The following TACR1 variants were observed in gnomAD, a reference collection of about 807,000 sequenced individuals.
TACR1 encodes substance-P receptor.
TACR1 carries 25 observed loss-of-function variants against 35.8 expected under a neutral mutation model. That is an observed-to-expected ratio of 0.70 (90% CI 0.51 to 0.98). The LOEUF is 0.98. TACR1 is among the 50% of genes least tolerant of loss of function. The probability of loss-of-function intolerance (pLI) is 0.00; values close to 1 mark genes in which losing one functional copy is unlikely to be tolerated. For synonymous variants in TACR1, 195 were observed against 206.7 expected, an observed-to-expected ratio of 0.94 and a Z score of 0.48; for missense variants, 478 against 522.9, an observed-to-expected ratio of 0.91 and a Z score of 0.84.
chr2:75,130,985 C>G (rs6757002), intron 1 of TACR1, among the ~76,000 whole-genome samples: 60,845 of 151,984 alleles, frequency 0.4, 13,280 homozygotes, highest in Non-Finnish European at 0.49. Flanking sequence ...TATGTTGGCT[C>G]AGTTATCAGA....
intron 1 of TACR1, among the ~76,000 whole-genome samples, chr2:75,140,875 A>G (rs1218822738): frequency 6.6e-6 from 1 of 152,190 alleles, no homozygotes; most frequent in African/African-American, 2.4e-5. Context: ...TCAAACTCCC[A>G]GTTTAACAGT....
At chr2:75,192,231 T>A (rs113854885) in intron 1 of TACR1, among the ~76,000 whole-genome samples, 1 of 151,176 alleles carries the variant, frequency 6.6e-6, no homozygotes, top group South Asian at 2.1e-4. Flanking sequence ...ATGATGATGA[T>A]GTAAAGTTGG....
chr2:75,143,721 C>T (rs144666315), intron 1 of TACR1, among the ~76,000 whole-genome samples: 163 of 152,264 alleles, frequency 1.1e-3, no homozygotes, highest in African/African-American at 3.7e-3. Flanking sequence ...TGGCAAAAAC[C>T]GCAATTACTT....
intron 4 of TACR1, 142 bp from the exon 5 acceptor site, chr2:75,049,865 T>A: frequency 9.6e-7 from 1 of 1,041,696 alleles, no homozygotes; most frequent in Non-Finnish European, 1.3e-6. Context: ...CAGCTGGAGA[T>A]GCTGAGGCCA....
intron 2 of TACR1, among the ~76,000 whole-genome samples, chr2:75,060,603 C>G (rs1294773712): frequency 6.6e-6 from 1 of 152,186 alleles, no homozygotes; most frequent in African/African-American, 2.4e-5. Context: ...AAGCAAATCA[C>G]AAAGGGCCTT....
intron 2 of TACR1, among the ~76,000 whole-genome samples, chr2:75,066,816 T>C (rs1235729294): frequency 6.6e-6 from 1 of 152,230 alleles, no homozygotes; most frequent in East Asian, 1.9e-4. Flanking sequence ...CACAAGAAAT[T>C]GTCAAGGATA....
At chr2:75,157,331 G>A (rs894788774) in intron 1 of TACR1, among the ~76,000 whole-genome samples, 8 of 152,112 alleles carry the variant, frequency 5.3e-5, no homozygotes, top group Non-Finnish European at 7.4e-5. Context: ...ATGGAAGCAA[G>A]GCTTACCCAG....
chr2:75,182,048 T>C (rs571174113), intron 1 of TACR1, among the ~76,000 whole-genome samples: 7 of 152,368 alleles, frequency 4.6e-5, no homozygotes, highest in African/African-American at 1.7e-4. Context: ...CCAGGTACTT[T>C]CTAACTTTCT....
intron 1 of TACR1, chr2:75,154,410 GCA>G (rs766455987): frequency 0.032 from 2,409 of 75,268 alleles, 73 homozygotes; most frequent in Non-Finnish European, 0.047. Flanking sequence ...GAGCGCGCAC[GCA>G]CACACACACA....
chr2:75,164,626 T>TA lies in TACR1; in HGVS notation c.389+33919dup, dbSNP rs549689130. On this transcript the variant is annotated intron_variant, in intron 1 of 4. Transcript: ENST00000305249. ...GCTCAGGCAGTTTGAAAGGTAAACT[T>TA]AAAAAAAAAATTATGTGATAACTAT... Among the ~76,000 whole-genome samples the TA allele has an allele frequency of 8.5e-3, 1,284 of 150,352 alleles. 15 individuals carry two copies. The highest frequency in any genetic ancestry group is 0.014 in the Non-Finnish European group (914 of 67,432).
At chr2:75,197,299 AC>A (rs1389223749) in intron 1 of TACR1, among the ~76,000 whole-genome samples, 1 of 152,238 alleles carries the variant, frequency 6.6e-6, no homozygotes, top group Non-Finnish European at 1.5e-5. Context: ...TTCATTGACT[AC>A]AGGAGCTAAA....
At chr2:75,050,651 C>T (rs1382109867) in intron 4 of TACR1, among the ~76,000 whole-genome samples, 1 of 152,238 alleles carries the variant, frequency 6.6e-6, no homozygotes, top group African/African-American at 2.4e-5. Flanking sequence ...TGGCTCTCCC[C>T]AACCCCTTTG....
At chr2:75,147,787 A>G (rs962060066) in intron 1 of TACR1, among the ~76,000 whole-genome samples, 13 of 149,198 alleles carry the variant, frequency 8.7e-5, no homozygotes, top group Admixed American at 5.4e-4. Flanking sequence ...TCTGTAGGCC[A>G]GGCTGGAGTG....
chr2:75,101,902 C>G (rs1673539663), intron 2 of TACR1, among the ~76,000 whole-genome samples: 1 of 152,128 alleles, frequency 6.6e-6, no homozygotes, highest in Non-Finnish European at 1.5e-5. Flanking sequence ...CGAGATCGTG[C>G]CACTGCACTC....
Position 75,198,911 on chromosome 2 carries a change from G to T in TACR1, c.24C>A (p.Asp8Glu), listed in dbSNP as rs199617380. The T allele has an allele frequency of 1.8e-5, 29 of 1,613,558 alleles. No individual in the cohort carries two copies. Among genetic ancestry groups the T allele is most frequent in the Non-Finnish European group, 2.5e-5 (29 of 1,180,024 alleles). The change falls in exon 1 of 5, where the codon GAC (aspartate) becomes GAA (glutamate). Residue 8 changes from aspartate to glutamate, a missense_variant. Transcript: ENST00000305249. MDNVLPVDSDLSPNISTN... is the reference protein window; with the variant it reads MDNVLPVESDLSPNISTN... ...TGGAGATGTTTGGGGAGAGGTCTGAGTCCACCGGGAGGACGTTATCCATTT... is the reference window on the plus strand; with the variant it reads ...TGGAGATGTTTGGGGAGAGGTCTGATTCCACCGGGAGGACGTTATCCATTT...
At chr2:75,071,717 G>A (rs1572912038) in intron 2 of TACR1, among the ~76,000 whole-genome samples, 1 of 152,274 alleles carries the variant, frequency 6.6e-6, no homozygotes, top group African/African-American at 2.4e-5. Flanking sequence ...TCCTTAGCAC[G>A]ACAGTTAAAA....
At chr2:75,181,573 A>C (rs72920677) in intron 1 of TACR1, among the ~76,000 whole-genome samples, 6,136 of 152,224 alleles carry the variant, frequency 0.04, 440 homozygotes, top group African/African-American at 0.14. Context: ...ATAAACGATG[A>C]ATTCATAGTG....
chr2:75,165,829 C>A (rs554820496), intron 1 of TACR1, among the ~76,000 whole-genome samples: 2 of 152,282 alleles, frequency 1.3e-5, no homozygotes, highest in East Asian at 3.9e-4. Context: ...GACAGCCCAC[C>A]TTCTGTCAGA....
chr2:75,170,431 TTTA>T (rs1202693055), intron 1 of TACR1, among the ~76,000 whole-genome samples: 3 of 152,196 alleles, frequency 2.0e-5, no homozygotes, highest in Non-Finnish European at 1.5e-5. Context: ...TGAGTATGTC[TTTA>T]TTAGCAGCAT....
Sources: gnomAD v4.1 joint callset for allele counts (sites outside exome capture counted in the v4.1 genomes callset) on GRCh38, gnomAD v4.1.1 for gene constraint, MANE v1.5 for transcripts, NCBI Gene and HGNC (gene_info 2026-07-23, HGNC 2026-07-21) for gene names.